The following ATP8B4 variants were observed in gnomAD, a reference collection of about 807,000 sequenced individuals.
ATP8B4 encodes the protein probable phospholipid-transporting ATPase IM.
In ATP8B4, 133 loss-of-function variants were observed where a neutral mutation model predicts 145.6. That is an observed-to-expected ratio of 0.91 (90% confidence interval 0.79 to 1.05). The LOEUF (loss-of-function observed/expected upper bound fraction) is 1.05. Ranked by LOEUF, ATP8B4 falls within the 50% of genes least tolerant of loss-of-function variation. ATP8B4 has a pLI of 0.00. For missense variants in ATP8B4, 1,458 were observed against 1,425.2 expected, an observed-to-expected ratio of 1.02 and a Z score of -0.37; for synonymous variants, 507 against 492.9, an observed-to-expected ratio of 1.03 and a Z score of -0.38.
chr15:50,178,498 T>G (rs1455399725), intron 1 of ATP8B4, among the ~76,000 whole-genome samples: 1 of 152,232 alleles, frequency 6.6e-6, no homozygotes, highest in Non-Finnish European at 1.5e-5. Context: ...GTTTTTATTT[T>G]TATCTGTTTG....
chr15:50,080,137 G>A (rs1328403173), intron 2 of ATP8B4, among the ~76,000 whole-genome samples: 1 of 152,102 alleles, frequency 6.6e-6, no homozygotes, highest in Non-Finnish European at 1.5e-5. Flanking sequence ...ATAGGATGAC[G>A]ATAATAACCT....
intron 3 of ATP8B4, among the ~76,000 whole-genome samples, chr15:50,054,804 A>AC (rs2052474886): frequency 7.2e-6 from 1 of 138,320 alleles, no homozygotes; most frequent in Non-Finnish European, 1.5e-5. Flanking sequence ...AAAAAAAAAA[A>AC]AAAAACAAAA....
chr15:49,860,536 C>A, intron 27 of ATP8B4, 61 bp from the exon 28 acceptor site: 1 of 1,486,582 alleles, frequency 6.7e-7, no homozygotes, highest in Non-Finnish European at 9.0e-7. Flanking sequence ...CAGGCAGTGG[C>A]CCACTTTGTA....
At chr15:50,125,097 C>T (rs797002545) in intron 1 of ATP8B4, among the ~76,000 whole-genome samples, 11 of 152,256 alleles carry the variant, frequency 7.2e-5, no homozygotes, top group South Asian at 2.1e-4. Flanking sequence ...TTTTGGCCTC[C>T]GCTTTTTTAT....
chr15:50,160,496 C>CT (rs1366480095), intron 1 of ATP8B4, among the ~76,000 whole-genome samples: 2 of 146,878 alleles, frequency 1.4e-5, no homozygotes, highest in African/African-American at 2.5e-5. Context: ...CGTTTTTCTA[C>CT]TTTTTTTAAT....
intron 2 of ATP8B4, among the ~76,000 whole-genome samples, chr15:50,083,682 T>G (rs895720123): frequency 6.6e-6 from 1 of 152,208 alleles, no homozygotes; most frequent in African/African-American, 2.4e-5. Context: ...AGCTTTCAAT[T>G]CGTGTTTGTC....
At chr15:50,151,339 TAGGAAGCCAA>T (rs2044344617) in intron 1 of ATP8B4, among the ~76,000 whole-genome samples, 1 of 152,214 alleles carries the variant, frequency 6.6e-6, no homozygotes. Context: ...TTCTTTAGGC[TAGGAAGCCAA>T]ACCAAGGCAG....
At position 50,008,431 on chromosome 15, in the gene ATP8B4, C is replaced by A. The variant is rs140637159; in HGVS notation, c.435+2414G>T. Among the ~76,000 whole-genome samples, 20 of 152,238 alleles carry A rather than the reference C, an allele frequency of 1.3e-4. No individual in the cohort carries two copies. In the East Asian group the frequency reaches 3.1e-3, roughly 24 times the overall value. ...CATTCTCACCCCATCATGGGAACCA[C>A]CATAAAAGGCCACATCCGTGTGTCT... On this transcript the variant is annotated intron_variant, in intron 7 of 27. Coordinates refer to ENST00000284509, the MANE Select transcript of ATP8B4 (RefSeq NM_024837.4).
At chr15:49,866,604 A>C in intron 25 of ATP8B4, 120 bp from the exon 26 acceptor site, 1 of 1,226,624 alleles carries the variant, frequency 8.2e-7, no homozygotes. Flanking sequence ...CTAGTTGCCA[A>C]GCCAACCGCG....
chr15:50,020,405 G>A (rs896084746), intron 6 of ATP8B4, among the ~76,000 whole-genome samples: 2 of 149,810 alleles, frequency 1.3e-5, no homozygotes, highest in Non-Finnish European at 3.0e-5. Context: ...AAGCAGCTGG[G>A]ATTACAGGTG....
intron 20 of ATP8B4, among the ~76,000 whole-genome samples, chr15:49,908,428 C>T (rs1335962059): frequency 6.6e-6 from 1 of 152,180 alleles, no homozygotes; most frequent in African/African-American, 2.4e-5. Flanking sequence ...ACAAGGCATC[C>T]TGTCTGGCTG....
chr15:49,899,641 C>G (rs556810810), intron 21 of ATP8B4, among the ~76,000 whole-genome samples: 1 of 152,206 alleles, frequency 6.6e-6, no homozygotes, highest in East Asian at 1.9e-4. Flanking sequence ...CTTTCTCTCT[C>G]TCTCTCTTTT....
At chr15:50,096,093 G>C (rs1275441135) in intron 2 of ATP8B4, among the ~76,000 whole-genome samples, 1 of 152,184 alleles carries the variant, frequency 6.6e-6, no homozygotes, top group Admixed American at 6.6e-5. Context: ...AGTTCTCTGA[G>C]GAACAAAGTG....
intron 17 of ATP8B4, chr15:49,922,378 A>G: frequency 2.2e-6 from 1 of 447,570 alleles, no homozygotes; most frequent in Middle Eastern, 3.3e-4. Context: ...TGTTCATTAA[A>G]AAAAATTTAA....
At chr15:50,012,353 G>A (rs1015314369) in intron 6 of ATP8B4, among the ~76,000 whole-genome samples, 1 of 152,178 alleles carries the variant, frequency 6.6e-6, no homozygotes, top group African/African-American at 2.4e-5. Flanking sequence ...TTGCCTTGAA[G>A]TCTCTACTGA....
intron 6 of ATP8B4, among the ~76,000 whole-genome samples, chr15:50,013,323 T>C (rs1053290384): frequency 1.3e-5 from 2 of 152,076 alleles, no homozygotes; most frequent in Non-Finnish European, 2.9e-5. Context: ...TAGGGGGACA[T>C]AGGATGGCCT....
At chr15:49,915,141 A>G (rs1006083898) in intron 20 of ATP8B4, among the ~76,000 whole-genome samples, 1 of 152,138 alleles carries the variant, frequency 6.6e-6, no homozygotes, top group Non-Finnish European at 1.5e-5. Flanking sequence ...TCAAAAAAGA[A>G]TGAAATCCTA....
intron 6 of ATP8B4, among the ~76,000 whole-genome samples, chr15:50,018,669 T>C (rs2049291789): frequency 6.6e-6 from 1 of 152,174 alleles, no homozygotes. Flanking sequence ...TAATAAAGGA[T>C]ATATTAACTT....
At chr15:50,040,817 A>G (rs1427113697) in intron 5 of ATP8B4, among the ~76,000 whole-genome samples, 1 of 152,174 alleles carries the variant, frequency 6.6e-6, no homozygotes, top group Non-Finnish European at 1.5e-5. Context: ...TTTCTCCTCT[A>G]AGAAATAAAT....
Sources: allele counts gnomAD v4.1 joint callset (sites outside exome capture counted in the v4.1 genomes callset), GRCh38; gene constraint gnomAD v4.1.1; transcripts MANE v1.5; gene names NCBI Gene and HGNC (gene_info 2026-07-23, HGNC 2026-07-21).